Variants in NSMCE2 observed in about 807,000 individuals in gnomAD.
The protein encoded by NSMCE2 is NSE2 SUMO ligase component of SMC5/6 complex, also known as E3 SUMO-protein ligase NSE2.
In NSMCE2, 24 loss-of-function variants were observed where a neutral mutation model predicts 23.8. The observed-to-expected ratio is 1.01, with a 90% confidence interval of 0.73 to 1.42. NSMCE2 has a LOEUF of 1.42. Among genes scored for constraint, NSMCE2 ranks in the 40% most tolerant of loss-of-function variants. The pLI is 0.00. For synonymous variants in NSMCE2, 92 were observed against 94.1 expected (o/e 0.98, Z 0.13); for missense variants, 284 against 296.5 (o/e 0.96, Z 0.31).
At chr8:125,156,639 A>G (rs532859524) in intron 4 of NSMCE2, among the ~76,000 whole-genome samples, 11 of 152,312 alleles carry the variant, frequency 7.2e-5, no homozygotes, top group African/African-American at 2.4e-4. Flanking sequence ...TGCTAACCTG[A>G]ACATTTTATA....
At chr8:125,189,137 C>T (rs141170407) in intron 5 of NSMCE2, among the ~76,000 whole-genome samples, 3 of 152,256 alleles carry the variant, frequency 2.0e-5, no homozygotes, top group East Asian at 1.9e-4. Context: ...ATCAGTGTCA[C>T]GAAGAAAAGT....
intron 5 of NSMCE2, among the ~76,000 whole-genome samples, chr8:125,341,441 T>G (rs1830240150): frequency 6.6e-6 from 1 of 152,210 alleles, no homozygotes; most frequent in Non-Finnish European, 1.5e-5. Flanking sequence ...GTATGTACAC[T>G]GTAGTGCTAG....
chr8:125,283,898 A>G (rs1827789546), intron 5 of NSMCE2, among the ~76,000 whole-genome samples: 1 of 152,204 alleles, frequency 6.6e-6, no homozygotes, highest in Admixed American at 6.5e-5. Context: ...TCACGCCTGT[A>G]ATCCCAGCAT....
At chr8:125,199,683 C>T (rs941898800) in intron 5 of NSMCE2, among the ~76,000 whole-genome samples, 1 of 152,116 alleles carries the variant, frequency 6.6e-6, no homozygotes, top group East Asian at 1.9e-4. Flanking sequence ...TTGTAGATGT[C>T]TATTAGGTCT....
chr8:125,310,005 A>G (rs1828918212), intron 5 of NSMCE2, among the ~76,000 whole-genome samples: 1 of 152,216 alleles, frequency 6.6e-6, no homozygotes, highest in Non-Finnish European at 1.5e-5. Context: ...TTTCTTTCTC[A>G]TTTCTACTAT....
At chr8:125,223,806 C>CTTTTTTTT (rs777644019) in intron 5 of NSMCE2, among the ~76,000 whole-genome samples, 2 of 107,944 alleles carry the variant, frequency 1.9e-5, no homozygotes, top group Non-Finnish European at 3.8e-5. Context: ...GGTCCTTTGC[C>CTTTTTTTT]TTTTTTTTTT....
intron 5 of NSMCE2, among the ~76,000 whole-genome samples, chr8:125,244,107 A>G (rs905276324): frequency 1.3e-5 from 2 of 152,200 alleles, no homozygotes; most frequent in African/African-American, 4.8e-5. Context: ...AGCTAATGAT[A>G]AATGATTCCT....
At chr8:125,205,244 G>C (rs943666268) in intron 5 of NSMCE2, among the ~76,000 whole-genome samples, 1 of 152,168 alleles carries the variant, frequency 6.6e-6, no homozygotes, top group African/African-American at 2.4e-5. Context: ...TACAATGTGA[G>C]ACCTTTAAAG....
In NSMCE2 at chr8:125,141,462, T is replaced by C. The variant is rs573047253; in HGVS notation, c.158-9709T>C. Among the ~76,000 whole-genome samples the C allele has an allele frequency of 3.1e-3, 467 of 152,350 alleles. 3 individuals carry two copies. Among genetic ancestry groups the C allele is most frequent in the African/African-American group, 0.011 (450 of 41,580 alleles). ...AGTCATAACTCCATCATTTATTAACTATGTCATCTGGGGCAAATGATTTAG... is the reference window on the plus strand; with the variant it reads ...AGTCATAACTCCATCATTTATTAACCATGTCATCTGGGGCAAATGATTTAG... On this transcript the variant is annotated intron_variant, in intron 3 of 7. Transcript: ENST00000287437.
In NSMCE2 at chr8:125,169,389, G is replaced by C. The variant is rs541340172; in HGVS notation, c.265-12714G>C. ...CACACATAAACTTAATGATAGATTT[G>C]ACATTCTCTACTTAAATGTGCTATA... On this transcript the variant is annotated intron_variant, in intron 4 of 7. Transcript: ENST00000287437. Among the ~76,000 whole-genome samples, 5 of 152,158 alleles carry C rather than the reference G, an allele frequency of 3.3e-5. No homozygotes were observed. In the South Asian group the frequency reaches 1.0e-3, roughly 32 times the overall value.
rs187220214 is a variant in NSMCE2 at position 125,178,726 on chromosome 8, C to T, written c.265-3377C>T. Among the ~76,000 whole-genome samples the T allele has an allele frequency of 1.1e-3, 172 of 151,940 alleles. 1 individual carries two copies. The highest frequency in any genetic ancestry group is 3.5e-3 in the African/African-American group (145 of 41,326). On this transcript the variant is annotated intron_variant, in intron 4 of 7. Coordinates refer to ENST00000287437, the MANE Select transcript of NSMCE2 (RefSeq NM_173685.4). ...TCTACTAAAAATACAAAAAATTAGC[C>T]GGGCATGGTGACGGGCACCTGTAGT...
In NSMCE2 at chr8:125,141,087, T is replaced by C. The variant is rs1053617249; in HGVS notation, c.158-10084T>C. On this transcript the variant is annotated intron_variant, in intron 3 of 7. Transcript: ENST00000287437. The stretch of plus-strand genomic sequence containing the variant: ...TTGATGGCTGGCAAAGATTGATTTC[T>C]ATGATTTTTATTAATTGAATTCATA... 3.3e-5 allele frequency among the ~76,000 whole-genome samples: 5 copies of C among 152,230 alleles called. No individual in the cohort carries two copies. In the East Asian group the frequency reaches 9.6e-4, roughly 29 times the overall value.
rs147825305 is a variant in NSMCE2 at position 125,363,525 on chromosome 8, A to G, written c.627-3243A>G. ...AAAAAAGAAAGAGGAAAGAGGAGAG[A>G]AAGAAAGAAAGAAAGAAAGAGAGAG... On this transcript the variant is annotated intron_variant, in intron 7 of 7. Transcript: ENST00000287437. Among the ~76,000 whole-genome samples, 8 of 136,032 alleles carry G rather than the reference A, an allele frequency of 5.9e-5. No individual in the cohort carries two copies. The East Asian group carries it at 1.7e-3, about 29-fold the overall frequency. 89.2% of individuals were successfully genotyped at this position (136,032 alleles called of 152,430 possible). A position where few individuals can be genotyped will look rare whatever the true frequency, so the allele number is the denominator to read the frequency against.
chr8:125,220,148 CTG>C (rs1345471174), intron 5 of NSMCE2, among the ~76,000 whole-genome samples: 3 of 152,114 alleles, frequency 2.0e-5, no homozygotes, highest in Non-Finnish European at 4.4e-5. Flanking sequence ...TGTTGGCTGA[CTG>C]TGGGAAAACC....
At chr8:125,277,965 G>A (rs780575420) in intron 5 of NSMCE2, among the ~76,000 whole-genome samples, 3 of 152,074 alleles carry the variant, frequency 2.0e-5, no homozygotes, top group Non-Finnish European at 4.4e-5. Context: ...ATTTTTAATT[G>A]GGTATAAATA....
intron 3 of NSMCE2, among the ~76,000 whole-genome samples, chr8:125,123,836 CAGTT>C (rs1387176440): frequency 2.0e-4 from 30 of 152,308 alleles, no homozygotes; most frequent in African/African-American, 2.9e-4. Context: ...AAATTCCTCT[CAGTT>C]AGTCACTCCC....
chr8:125,366,818 T>C lies in NSMCE2; in HGVS notation c.677T>C (p.Ile226Thr), dbSNP rs1190436486. 2 of 1,613,632 alleles carry C rather than the reference T, an allele frequency of 1.2e-6. No individual in the cohort carries two copies. ...ACGGATATAAGAAAGTCAGATCTTATCCAGGATGAAGCACTTAGAAGGGCA... is the reference window on the plus strand; with the variant it reads ...ACGGATATAAGAAAGTCAGATCTTACCCAGGATGAAGCACTTAGAAGGGCA... ...SHTDIRKSDL[I>T]QDEALRRAIE... Residue 226 changes from isoleucine (I) to threonine (T), a missense_variant, in exon 8 of 8, where the codon ATC becomes ACC. Physicochemically the swap from Ile to Thr is moderately conservative, Grantham distance 89 (BLOSUM62 -1). Coordinates refer to ENST00000287437, the MANE Select transcript of NSMCE2 (RefSeq NM_173685.4).
chr8:125,191,575 A>G (rs942612365), intron 5 of NSMCE2, among the ~76,000 whole-genome samples: 1 of 152,208 alleles, frequency 6.6e-6, no homozygotes, highest in African/African-American at 2.4e-5. Context: ...ATTAGGGAGT[A>G]GTAATGATAC....
At chr8:125,228,544 T>G (rs1444742334) in intron 5 of NSMCE2, among the ~76,000 whole-genome samples, 1 of 152,232 alleles carries the variant, frequency 6.6e-6, no homozygotes, top group Non-Finnish European at 1.5e-5. Flanking sequence ...ACATTTGAGC[T>G]GAGCCTTGAA....
Sources: allele counts gnomAD v4.1 joint callset (sites outside exome capture counted in the v4.1 genomes callset), GRCh38; gene constraint gnomAD v4.1.1; transcripts MANE v1.5; gene names NCBI Gene and HGNC (gene_info 2026-07-23, HGNC 2026-07-21).